IGSF22: variants seen among roughly 807,000 people sequenced by gnomAD.
The protein encoded by IGSF22 is immunoglobulin superfamily member 22.
A neutral mutation model predicts 127.0 loss-of-function variants in IGSF22; 119 were observed. That is an observed-to-expected ratio of 0.94 (90% CI 0.81 to 1.09). IGSF22 has a LOEUF of 1.09. Ranked by LOEUF, IGSF22 falls within the 50% of genes least tolerant of loss-of-function variation. The pLI is 0.00. For missense variants in IGSF22, 1,518 were observed against 1,716.6 expected (o/e 0.88, Z 2.04); for synonymous variants, 568 against 664.7 (o/e 0.85, Z 2.24).
At position 18,715,493 on chromosome 11, in the gene IGSF22, C is replaced by A; in HGVS notation, c.1470G>T (p.Val490=). Reference sequence around the variant, plus strand: ...TAGGGTCTCCATCCTGCATGGCCACCACAGTGTACTCGCCACCATCACTGA... The same window carrying A: ...TAGGGTCTCCATCCTGCATGGCCACAACAGTGTACTCGCCACCATCACTGA... ...AQLSDGGEYT[V]VAMQDGDPTE... The change falls in exon 11 of 23, where the codon GTG becomes GTT. Residue 490 remains valine (V), a synonymous_variant. Coordinates refer to ENST00000513874, the MANE Select transcript of IGSF22 (RefSeq NM_173588.4). 6.2e-7 allele frequency: 1 copy of A among 1,613,814 alleles called. No homozygotes were observed. The highest frequency in any genetic ancestry group is 8.5e-7 in the Non-Finnish European group (1 of 1,179,946).
chr11:18,715,740 C>T, intron 10 of IGSF22, 24 bp from the exon 11 acceptor site: 1 of 1,590,444 alleles, frequency 6.3e-7, no homozygotes, highest in Non-Finnish European at 8.6e-7. Flanking sequence ...GACACTTGGG[C>T]CTGCTCCCAA....
At chr11:18,705,785 C>T (rs376134827) in intron 22 of IGSF22, 32 bp downstream of exon 22, 3 of 1,508,966 alleles carry the variant, frequency 2.0e-6, no homozygotes, top group East Asian at 2.5e-5. Context: ...GCCTCTCCCC[C>T]TCCTCGAGGC....
intron 1 of IGSF22, among the ~76,000 whole-genome samples, chr11:18,725,168 C>T (rs534596286): frequency 6.6e-6 from 1 of 152,228 alleles, no homozygotes; most frequent in South Asian, 2.1e-4. Flanking sequence ...TTTATTTAAC[C>T]AGCATTGCGG....
intron 1 of IGSF22, among the ~76,000 whole-genome samples, chr11:18,725,855 C>T (rs572716246): frequency 2.6e-5 from 4 of 152,328 alleles, no homozygotes; most frequent in Admixed American, 1.3e-4. Context: ...AGTCCAGTGG[C>T]GTCCCAGAGG....
chr11:18,706,188 GCCCC>G (rs1181587227), intron 21 of IGSF22, 42 bp from the exon 22 acceptor site: 2 of 1,494,766 alleles, frequency 1.3e-6, no homozygotes, highest in South Asian at 2.5e-5. Context: ...GCGCCCCAAG[GCCCC>G]CACCCACCAC....
At position 18,717,962 on chromosome 11, in the gene IGSF22, A is replaced by T. The variant is rs757896939; in HGVS notation, c.942T>A (p.Asp314Glu). Residue 314 changes from aspartate to glutamate, a missense_variant, in exon 9 of 23, where the codon GAT (aspartate) becomes GAA (glutamate). Physicochemically the swap from Asp to Glu is conservative, Grantham distance 45. Transcript: ENST00000513874. ...CTGTGAGCTCTGCACTCATCCGCTT[A>T]TCGCCCACGGACAGGCTGTAGATGC... ...DAGIYSLSVG[D>E]KRMSAELTVL... is the part of the protein sequence containing the mutation. The T allele has an allele frequency of 5.6e-6, 9 of 1,614,190 alleles. No homozygotes were observed. The highest frequency in any genetic ancestry group is 7.6e-6 in the Non-Finnish European group (9 of 1,180,032).
chr11:18,720,203 G>A lies in IGSF22; in HGVS notation c.461C>T (p.Ser154Phe). Residue 154 changes from serine to phenylalanine, a missense_variant, in exon 5 of 23, where the codon TCT (serine) becomes TTT (phenylalanine). This residue lies in a region of IGSF22 where 1,456 missense variants were observed against 1,644.9 expected (regional missense o/e 0.89). Coordinates refer to ENST00000513874, the MANE Select transcript of IGSF22 (RefSeq NM_173588.4). The part of the protein sequence containing the change: ...NDHADAIYTV[S>F]LLVTEGQEKM... The stretch of plus-strand genomic sequence containing the variant: ...CAACTCACCTTCTGTTACCAGCAGA[G>A]ATACGGTATAGATGGCATCTGCATG... 6.2e-7 allele frequency: 1 copy of A among 1,614,142 alleles called. No homozygotes were observed. The highest frequency in any genetic ancestry group is 8.5e-7 in the Non-Finnish European group (1 of 1,179,970).
chr11:18,723,200 A>G (rs1219585444), intron 2 of IGSF22, among the ~76,000 whole-genome samples: 2 of 152,240 alleles, frequency 1.3e-5, no homozygotes, highest in Non-Finnish European at 2.9e-5. Context: ...GGAGAACTTT[A>G]TAAGAAATAC....
chr11:18,719,234 T>G (rs1848518155), intron 7 of IGSF22, among the ~76,000 whole-genome samples: 1 of 152,096 alleles, frequency 6.6e-6, no homozygotes, highest in Non-Finnish European at 1.5e-5. Context: ...AACCTCCACC[T>G]CCTGGGTTCA....
At chr11:18,707,413 C>T in intron 20 of IGSF22, 200 bp from the exon 21 acceptor site, 3 of 552,032 alleles carry the variant, frequency 5.4e-6, no homozygotes, top group Non-Finnish European at 9.4e-6. Flanking sequence ...TTATCTGAGA[C>T]TTCTTTCCTC....
chr11:18,714,485 G>A lies in IGSF22; in HGVS notation c.1656+15C>T. On this transcript the variant is annotated intron_variant, in intron 12 of 22. Coordinates refer to ENST00000513874, the MANE Select transcript of IGSF22 (RefSeq NM_173588.4). Reference sequence around the variant, plus strand: ...TCTACCTCCTTCACCCCCTTCCCTGGCCTCTGCTTCAGACCTCCTTGCCAT... The same window carrying A: ...TCTACCTCCTTCACCCCCTTCCCTGACCTCTGCTTCAGACCTCCTTGCCAT... 1 of 1,614,126 alleles carries A rather than the reference G, an allele frequency of 6.2e-7. No homozygotes were observed.
intron 4 of IGSF22, among the ~76,000 whole-genome samples, chr11:18,721,268 C>A (rs1489662378): frequency 6.6e-6 from 1 of 152,238 alleles, no homozygotes; most frequent in Non-Finnish European, 1.5e-5. Flanking sequence ...GCTTCCATTG[C>A]GTCCCGCCCC....
intron 7 of IGSF22, 80 bp from the exon 8 acceptor site, chr11:18,718,808 A>G: frequency 1.2e-6 from 1 of 810,838 alleles, no homozygotes; most frequent in Non-Finnish European, 2.1e-6. Flanking sequence ...TCCTGGAGAA[A>G]CTCTTAAGCA....
chr11:18,723,531 G>A (rs1435651719), intron 2 of IGSF22, among the ~76,000 whole-genome samples: 3 of 152,222 alleles, frequency 2.0e-5, no homozygotes. Flanking sequence ...CCAATGTCTT[G>A]GCCCCCGGCC....
At chr11:18,720,375 T>C (rs1848549383) in intron 4 of IGSF22, 90 bp from the exon 5 acceptor site, 1 of 803,362 alleles carries the variant, frequency 1.2e-6, no homozygotes, top group African/African-American at 1.7e-5. Context: ...TTTTTTTTTT[T>C]AGGGGACAAT....
Position 18,709,057 on chromosome 11 carries a change from G to C in IGSF22, c.2998+330C>G, listed in dbSNP as rs570369720. On this transcript the variant is annotated intron_variant, in intron 18 of 22. Coordinates refer to ENST00000513874, the MANE Select transcript of IGSF22 (RefSeq NM_173588.4). The surrounding 1 kb of genome is among the most constrained non-coding windows in gnomAD (Gnocchi z 4.8). ...GGGAATTGATTTGGGTAATAACTCT[G>C]TCTCCCATACAGCATGGCTGGCCTT... 1.3e-5 allele frequency among the ~76,000 whole-genome samples: 2 copies of C among 152,172 alleles called. No individual in the cohort carries two copies. The highest frequency in any genetic ancestry group is 4.8e-5 in the African/African-American group (2 of 41,426).
chr11:18,722,314 T>TG (rs1012181682), intron 2 of IGSF22, among the ~76,000 whole-genome samples: 11 of 151,598 alleles, frequency 7.3e-5, no homozygotes, highest in Non-Finnish European at 1.0e-4. Context: ...TAATTTTTTT[T>TG]TTTAAAGGAG....
At chr11:18,725,516 C>T (rs1425768157) in intron 1 of IGSF22, among the ~76,000 whole-genome samples, 3 of 151,956 alleles carry the variant, frequency 2.0e-5, no homozygotes, top group Admixed American at 6.5e-5. Flanking sequence ...TCTTGGCCCA[C>T]GACAACCTCT....
rs182255937 is a variant in IGSF22, at chr11:18,721,716, T to A, written c.242-45A>T. On this transcript the variant is annotated intron_variant, in intron 3 of 22. Coordinates refer to ENST00000513874, the MANE Select transcript of IGSF22 (RefSeq NM_173588.4). The stretch of plus-strand genomic sequence containing the variant: ...CGTTTTCGCCTCTTAGCCACCAGGC[T>A]AGAGCCTCTGCCACCCTCTGCCGGC... 2.5e-6 allele frequency: 4 copies of A among 1,610,748 alleles called. No individual in the cohort carries two copies. In the Admixed American group the frequency reaches 5.0e-5, roughly 20 times the overall value.
Sources: allele counts gnomAD v4.1 joint callset (sites outside exome capture counted in the v4.1 genomes callset), GRCh38; gene constraint gnomAD v4.1.1; regional missense constraint gnomAD v4.1.1; non-coding constraint Gnocchi (gnomAD v3.1); transcripts MANE v1.5; gene names NCBI Gene and HGNC (gene_info 2026-07-23, HGNC 2026-07-21).